FAM217B: variants seen among roughly 807,000 people sequenced by gnomAD.
FAM217B encodes the protein protein FAM217B.
For missense variants in FAM217B, 463 were observed against 456.9 expected, an observed-to-expected ratio of 1.01 and a Z score of -0.12; for synonymous variants, 163 against 173.0, an observed-to-expected ratio of 0.94 and a Z score of 0.45.
upstream of FAM217B, chr20:59,939,452 C>A: frequency 2.5e-6 from 4 of 1,611,702 alleles, no homozygotes; most frequent in Non-Finnish European, 3.4e-6. Context: ...CGACGGGCGG[C>A]GGGAAATCGG....
chr20:59,943,636 A>G (rs1280834755), intron 3 of FAM217B, among the ~76,000 whole-genome samples: 1 of 152,214 alleles, frequency 6.6e-6, no homozygotes, highest in Non-Finnish European at 1.5e-5. Flanking sequence ...ACACGAAAGT[A>G]TGAAACAAGC....
At chr20:59,939,276 G>C (rs1168839777), upstream of FAM217B, 1 of 1,612,312 alleles carries the variant, frequency 6.2e-7, no homozygotes, top group Non-Finnish European at 8.5e-7. Context: ...CCGCGCCACC[G>C]CCTCGTGGGT....
chr20:59,934,768 T>C (rs1379146523), intron 1 of FAM217B, among the ~76,000 whole-genome samples: 4 of 152,162 alleles, frequency 2.6e-5, no homozygotes, highest in African/African-American at 9.7e-5. Flanking sequence ...TGTTTAAAAA[T>C]ATGGGATTAA....
At chr20:59,938,559 AAC>A (rs1484748909), upstream of FAM217B, 1 of 152,846 alleles carries the variant, frequency 6.5e-6, no homozygotes, top group Non-Finnish European at 1.5e-5. Context: ...TGTGGGCACA[AAC>A]ACAGAACTTT....
chr20:59,937,530 G>A (rs1456140371), upstream of FAM217B: 1 of 152,276 alleles, frequency 6.6e-6, no homozygotes, highest in Non-Finnish European at 1.5e-5. Context: ...CATCCTTTCA[G>A]TATTGATTTG....
intron 1 of FAM217B, among the ~76,000 whole-genome samples, chr20:59,941,372 A>G (rs1017970542): frequency 9.2e-5 from 14 of 152,236 alleles, no homozygotes; most frequent in African/African-American, 3.1e-4. Flanking sequence ...ATGTGAGAGA[A>G]TGATTTTATT....
chr20:59,939,930 A>G, upstream of FAM217B: 2 of 1,262,786 alleles, frequency 1.6e-6, no homozygotes, highest in East Asian at 6.1e-5. Flanking sequence ...GCCTCTGGAC[A>G]TGGCCCCGCC....
In FAM217B at chr20:59,948,032, T is replaced by G. The variant is rs2060947180; in HGVS notation, c.*2937T>G. 1 of 159,554 alleles carries G rather than the reference T, an allele frequency of 6.3e-6. No individual in the cohort carries two copies. Among genetic ancestry groups the G allele is most frequent in the Non-Finnish European group, 1.5e-5 (1 of 67,210 alleles). 9.9% of individuals were successfully genotyped at this position (159,554 alleles called of 1,614,324 possible). A position where few individuals can be genotyped will look rare whatever the true frequency, so the allele number is the denominator to read the frequency against. On this transcript the variant is annotated 3_prime_UTR_variant, in exon 4 of 4. Coordinates refer to ENST00000360816, the MANE Select transcript of FAM217B (RefSeq NM_022106.3). ...TTAAACCAATTAAAACAATCCAAGT[T>G]TCTTTAAAAAAAAAAAGAAAAAGAA...
intron 3 of FAM217B, 26 bp from the exon 4 acceptor site, chr20:59,943,914 A>G: frequency 6.5e-7 from 1 of 1,533,136 alleles, no homozygotes; most frequent in South Asian, 1.3e-5. Context: ...ATATGTGGTA[A>G]GAATTGCAGT....
upstream of FAM217B, chr20:59,937,424 T>C (rs993051729): frequency 2.6e-5 from 4 of 152,736 alleles, no homozygotes; most frequent in African/African-American, 7.2e-5. Context: ...AGTGTTCTTA[T>C]ATTAAAAGAT....
chr20:59,941,368 G>T (rs1252939582), intron 1 of FAM217B, among the ~76,000 whole-genome samples: 2 of 152,204 alleles, frequency 1.3e-5, no homozygotes, highest in African/African-American at 4.8e-5. Flanking sequence ...TGAAATGTGA[G>T]AGAATGATTT....
At chr20:59,941,540 G>A (rs915566571) in intron 1 of FAM217B, among the ~76,000 whole-genome samples, 2 of 152,156 alleles carry the variant, frequency 1.3e-5, no homozygotes, top group Non-Finnish European at 2.9e-5. Context: ...TCCATTCAGT[G>A]CACTTTTAAT....
upstream of FAM217B, chr20:59,939,389 A>C (rs780359967): frequency 1.9e-6 from 3 of 1,610,802 alleles, no homozygotes; most frequent in Non-Finnish European, 2.5e-6. Flanking sequence ...AGCAAGTGAC[A>C]CGCTCCAGGC....
Position 59,944,814 on chromosome 20 carries a change from G to A in FAM217B, c.871G>A (p.Glu291Lys), listed in dbSNP as rs937539110. 6.2e-7 allele frequency: 1 copy of A among 1,614,196 alleles called. No individual in the cohort carries two copies. Among genetic ancestry groups the A allele is most frequent in the Non-Finnish European group, 8.5e-7 (1 of 1,180,030 alleles). ...GAGGCAAACCCTTGAAATGAGGACA[G>A]AAGAAAAGAAAAAGAAATCAAGTAA... Reference protein sequence around the residue: ...SQRQTLEMRTEEKKKKSSKST... With the variant: ...SQRQTLEMRTKEKKKKSSKST... Residue 291 changes from glutamate to lysine, a missense_variant, in exon 4 of 4, where the codon GAA becomes AAA. Physicochemically the swap from Glu to Lys is moderately conservative, Grantham distance 56. Transcript: ENST00000360816.
upstream of FAM217B, chr20:59,938,811 C>T (rs950141873): frequency 2.5e-6 from 1 of 404,658 alleles, no homozygotes; most frequent in East Asian, 3.8e-5. Flanking sequence ...TTACACAACT[C>T]GGCCTTCTGG....
intron 1 of FAM217B, among the ~76,000 whole-genome samples, chr20:59,941,770 G>A (rs992547192): frequency 1.3e-5 from 2 of 152,174 alleles, no homozygotes; most frequent in African/African-American, 4.8e-5. Flanking sequence ...ATTTTTCTGG[G>A]TACTCCTGTA....
At chr20:59,933,941 C>A (rs1010898509) in intron 1 of FAM217B, 1 of 152,398 alleles carries the variant, frequency 6.6e-6, no homozygotes, top group Non-Finnish European at 1.5e-5. Context: ...GAGTCACCCC[C>A]GCCAGCGAGG....
chr20:59,947,381 C>T lies in FAM217B; in HGVS notation c.*2286C>T. 1 of 153,556 alleles carries T rather than the reference C, an allele frequency of 6.5e-6. No individual in the cohort carries two copies. The highest frequency in any genetic ancestry group is 1.5e-5 in the Non-Finnish European group (1 of 68,204). 9.5% of individuals were successfully genotyped at this position (153,556 alleles called of 1,614,324 possible). On this transcript the variant is annotated 3_prime_UTR_variant, in exon 4 of 4. Coordinates refer to ENST00000360816, the MANE Select transcript of FAM217B (RefSeq NM_022106.3). ...ATTAGCCGGGTGTGGTGGTGCATGC[C>T]TGTAATCCCAGCTACTCGGAAGTTT...
chr20:59,944,386 C>G lies in FAM217B; in HGVS notation c.443C>G (p.Ser148Cys), dbSNP rs1284024127. The part of the protein sequence containing the change: ...PEYYYPNFLP[S>C]PFSSWDLRDM... Reference sequence around the variant, plus strand: ...TACTATTATCCTAATTTCCTTCCATCCCCTTTCAGCTCCTGGGACCTACGA... The same window carrying G: ...TACTATTATCCTAATTTCCTTCCATGCCCTTTCAGCTCCTGGGACCTACGA... Residue 148 changes from serine to cysteine, a missense_variant, in exon 4 of 4, where the codon TCC (serine) becomes TGC (cysteine). By Grantham distance (112) the Ser-to-Cys change is moderately radical. Transcript: ENST00000360816. 1 of 1,613,958 alleles carries G rather than the reference C, an allele frequency of 6.2e-7. No individual in the cohort carries two copies. Among genetic ancestry groups the G allele is most frequent in the Non-Finnish European group, 8.5e-7 (1 of 1,180,016 alleles).
Sources: allele counts gnomAD v4.1 joint callset (sites outside exome capture counted in the v4.1 genomes callset), GRCh38; gene constraint gnomAD v4.1.1; transcripts MANE v1.5; gene names NCBI Gene and HGNC (gene_info 2026-07-23, HGNC 2026-07-21).